MTAP: variants seen among roughly 807,000 people sequenced by gnomAD.
MTAP encodes methylthioadenosine phosphorylase.
In MTAP, 33 loss-of-function variants were observed where a neutral mutation model predicts 33.6. The ratio of observed to expected loss-of-function variants is 0.98; its 90% CI spans 0.74 to 1.31. The LOEUF (loss-of-function observed/expected upper bound fraction) is 1.31. Among genes scored for constraint, MTAP ranks in the 40% most tolerant of loss-of-function variants. The pLI, the probability that MTAP is intolerant of heterozygous loss-of-function variation, is 0.00. For missense variants in MTAP, 367 were observed against 360.0 expected (o/e 1.02, Z -0.16); for synonymous variants, 148 against 125.7 (o/e 1.18, Z -1.19).
At chr9:21,844,856 C>A (rs746260070) in intron 5 of MTAP, among the ~76,000 whole-genome samples, 1 of 152,024 alleles carries the variant, frequency 6.6e-6, no homozygotes, top group Non-Finnish European at 1.5e-5. Flanking sequence ...ACGGTGAAAC[C>A]CCATCTCTAC....
At chr9:21,939,486 C>T (rs1819099879), downstream of MTAP, among the ~76,000 whole-genome samples, 2 of 152,138 alleles carry the variant, frequency 1.3e-5, no homozygotes, top group Non-Finnish European at 2.9e-5. Context: ...TTCTCTCTTA[C>T]CTGATCCCTC....
intron 4 of MTAP, among the ~76,000 whole-genome samples, chr9:21,823,607 G>A (rs543484982): frequency 2.0e-5 from 3 of 152,206 alleles, no homozygotes; most frequent in Admixed American, 6.5e-5. Flanking sequence ...TGCTCTTCTC[G>A]AGGAGTATCT....
intron 5 of MTAP, among the ~76,000 whole-genome samples, chr9:21,852,482 C>A (rs569430769): frequency 1.8e-4 from 25 of 139,422 alleles, no homozygotes; most frequent in Non-Finnish European, 3.4e-4. Flanking sequence ...TGCATTCCAG[C>A]GTGGGCGACA....
intron 1 of MTAP, among the ~76,000 whole-genome samples, chr9:21,874,635 A>G (rs926275236): frequency 6.6e-6 from 1 of 152,018 alleles, no homozygotes; most frequent in African/African-American, 2.4e-5. Context: ...CTGTGCAGAA[A>G]AGAACTCTGG....
At chr9:21,899,698 G>A (rs1165118193) in intron 1 of MTAP, among the ~76,000 whole-genome samples, 2 of 152,088 alleles carry the variant, frequency 1.3e-5, no homozygotes, top group African/African-American at 4.8e-5. Flanking sequence ...AACAACATGG[G>A]GAAACCACCC....
intron 5 of MTAP, among the ~76,000 whole-genome samples, chr9:21,851,388 A>G (rs2118478365): frequency 6.6e-6 from 1 of 152,308 alleles, no homozygotes; most frequent in East Asian, 1.9e-4. Context: ...CTAAGAAAAT[A>G]TCTTCATTGT....
At chr9:21,802,969 C>G in intron 1 of MTAP, 188 bp downstream of exon 1, 1 of 1,386,486 alleles carries the variant, frequency 7.2e-7, no homozygotes, top group South Asian at 1.6e-5. Context: ...GCAAATGATC[C>G]CCCTGCCGCA....
At chr9:21,888,637 C>T (rs1362088076) in intron 1 of MTAP, among the ~76,000 whole-genome samples, 1 of 116,728 alleles carries the variant, frequency 8.6e-6, no homozygotes, top group African/African-American at 4.5e-5. Flanking sequence ...AAAATAGCTA[C>T]TCCTGCTTGT....
rs922343716 is a variant in MTAP, at chr9:21,863,969, A to T, written c.*1955A>T. 3 of 985,676 alleles carry T rather than the reference A, an allele frequency of 3.0e-6. No individual in the cohort carries two copies. The highest frequency in any genetic ancestry group is 4.7e-5 in the South Asian group (1 of 21,286). The allele number at this position is 985,676 out of a possible 1,614,324, so 61.1% of individuals were successfully genotyped here. On this transcript the variant is annotated 3_prime_UTR_variant, in exon 8 of 8. Transcript: ENST00000644715. ...GGTTATCCATTAGCAATCTGTAGAGAACTTAATGAACCTGAACCCAGGCTT... is the reference window on the plus strand; with the variant it reads ...GGTTATCCATTAGCAATCTGTAGAGTACTTAATGAACCTGAACCCAGGCTT...
chr9:21,838,942 G>C (rs1328104902), intron 5 of MTAP, among the ~76,000 whole-genome samples: 1 of 152,220 alleles, frequency 6.6e-6, no homozygotes, highest in Non-Finnish European at 1.5e-5. Context: ...TGCATATAGA[G>C]AGTAGATGAT....
At chr9:21,820,619 T>G (rs1362653974) in intron 4 of MTAP, among the ~76,000 whole-genome samples, 1 of 152,024 alleles carries the variant, frequency 6.6e-6, no homozygotes, top group Non-Finnish European at 1.5e-5. Flanking sequence ...GTCTTGGCAA[T>G]GTTCATGGTT....
At chr9:21,924,028 C>A (rs923121335) in intron 1 of MTAP, among the ~76,000 whole-genome samples, 4 of 152,092 alleles carry the variant, frequency 2.6e-5, no homozygotes, top group African/African-American at 9.7e-5. Flanking sequence ...CTGGTAAGAC[C>A]GGTTTATTCT....
intron 4 of MTAP, among the ~76,000 whole-genome samples, chr9:21,830,554 A>T (rs115744484): frequency 2.6e-5 from 4 of 152,200 alleles, no homozygotes; most frequent in African/African-American, 9.7e-5. Context: ...AACTGGGGAA[A>T]GTATTTGACC....
At chr9:21,884,801 A>T (rs907594585) in intron 1 of MTAP, among the ~76,000 whole-genome samples, 2 of 152,138 alleles carry the variant, frequency 1.3e-5, no homozygotes, top group Non-Finnish European at 2.9e-5. Flanking sequence ...CAACATATGA[A>T]CTTTGGGGAG....
intron 3 of MTAP, 33 bp from the exon 4 acceptor site, chr9:21,818,002 C>T (rs766081484): frequency 3.8e-6 from 6 of 1,592,450 alleles, no homozygotes; most frequent in Admixed American, 1.8e-5. Flanking sequence ...GTGTACTCAT[C>T]ACGGGTTAAC....
chr9:21,902,343 C>G (rs1587286023), intron 1 of MTAP, among the ~76,000 whole-genome samples: 1 of 152,162 alleles, frequency 6.6e-6, no homozygotes, highest in Non-Finnish European at 1.5e-5. Context: ...AGTCTTAAGT[C>G]GCATGCCTAT....
At position 21,854,819 on chromosome 9, in the gene MTAP, A is replaced by G. The variant is rs751153866; in HGVS notation, c.639A>G (p.Ala213=). 4.3e-6 allele frequency: 7 copies of G among 1,614,178 alleles called. No individual in the cohort carries two copies. In the Admixed American group the frequency reaches 1.0e-4, roughly 23 times the overall value. The change falls in exon 6 of 8, where the codon GCA becomes GCG. Residue 213 remains alanine (A), a synonymous_variant. Coordinates refer to ENST00000644715, the MANE Select transcript of MTAP (RefSeq NM_002451.4). ...CTAAGGAGGCTGGAATTTGTTACGC[A>G]AGTATCGCCATGGCGACAGATTATG... ...VLAKEAGICY[A]SIAMATDYDC...
chr9:21,868,035 G>C (rs1825881490), downstream of MTAP, among the ~76,000 whole-genome samples: 1 of 152,176 alleles, frequency 6.6e-6, no homozygotes, highest in Non-Finnish European at 1.5e-5. Context: ...TTGTGGTGAT[G>C]TATAGATAGG....
At chr9:21,819,440 T>G (rs1259140256) in intron 4 of MTAP, among the ~76,000 whole-genome samples, 1 of 152,206 alleles carries the variant, frequency 6.6e-6, no homozygotes, top group Non-Finnish European at 1.5e-5. Flanking sequence ...GGTTTCCAGC[T>G]TCATCCATGT....
Sources: gnomAD v4.1 joint callset for allele counts (sites outside exome capture counted in the v4.1 genomes callset) on GRCh38, gnomAD v4.1.1 for gene constraint, MANE v1.5 for transcripts, NCBI Gene and HGNC (gene_info 2026-07-23, HGNC 2026-07-21) for gene names.